The following ZBTB2 variants were observed in gnomAD, a reference collection of about 807,000 sequenced individuals.
The protein encoded by ZBTB2 is zinc finger and BTB domain-containing protein 2.
Under a neutral mutation model 39.5 loss-of-function variants are expected in ZBTB2, and 2 were observed. The ratio of observed to expected loss-of-function variants is 0.05; its 90% CI spans 0.02 to 0.16. The LOEUF (loss-of-function observed/expected upper bound fraction) is 0.16. Ranked by LOEUF, ZBTB2 falls within the 10% of genes least tolerant of loss-of-function variation. The pLI is 1.00. For missense variants in ZBTB2, 391 were observed against 653.0 expected (o/e 0.60, Z 4.37); for synonymous variants, 251 against 256.6 (o/e 0.98, Z 0.21).
In ZBTB2 at chr6:151,364,845, A is replaced by G. The variant is rs1778609063; in HGVS notation, c.*676T>C. The G allele has an allele frequency of 1.3e-5, 2 of 152,692 alleles. No individual in the cohort carries two copies. The highest frequency in any genetic ancestry group is 2.9e-5 in the Non-Finnish European group (2 of 68,058). The allele number at this position is 152,692 out of a possible 1,614,324, so 9.5% of individuals were successfully genotyped here. A position where few individuals can be genotyped will look rare whatever the true frequency, so the allele number is the denominator to read the frequency against. On this transcript the variant is annotated 3_prime_UTR_variant, in exon 3 of 3. Transcript: ENST00000325144. Reference sequence around the variant, plus strand: ...GCATTAATTCACCTGTTTATTAGCAAGTACCCACACATTTTTCTCTTACAA... The same window carrying G: ...GCATTAATTCACCTGTTTATTAGCAGGTACCCACACATTTTTCTCTTACAA...
intron 1 of ZBTB2, among the ~76,000 whole-genome samples, chr6:151,390,340 G>C (rs1779258731): frequency 8.5e-6 from 1 of 117,924 alleles, no homozygotes; most frequent in African/African-American, 4.1e-5. Context: ...GGTCTCGCCG[G>C]CCCCGCCCCC....
chr6:151,389,010 A>ATCG (rs1779224727), intron 1 of ZBTB2, among the ~76,000 whole-genome samples: 1 of 152,210 alleles, frequency 6.6e-6, no homozygotes, highest in East Asian at 1.9e-4. Flanking sequence ...TCTTGTACTT[A>ATCG]CGATGGCTTC....
chr6:151,372,552 A>T (rs959957735), intron 2 of ZBTB2, among the ~76,000 whole-genome samples: 1 of 152,138 alleles, frequency 6.6e-6, no homozygotes, highest in Non-Finnish European at 1.5e-5. Context: ...GAGGAGTGGG[A>T]ACTCCCAGCA....
intron 1 of ZBTB2, among the ~76,000 whole-genome samples, chr6:151,378,497 C>T (rs758843287): frequency 2.0e-5 from 3 of 152,200 alleles, no homozygotes; most frequent in Non-Finnish European, 4.4e-5. Context: ...CAGAGAACTG[C>T]TGGGTTGCAA....
At chr6:151,370,078 G>A in intron 2 of ZBTB2, 1 of 974,088 alleles carries the variant, frequency 1.0e-6, no homozygotes, top group Non-Finnish European at 1.2e-6. Context: ...CCTGTGGAAA[G>A]GACATAGTTC....
At position 151,366,393 on chromosome 6, in the gene ZBTB2, A is replaced by T; in HGVS notation, c.673T>A (p.Ser225Thr). Residue 225 changes from serine to threonine, a missense_variant, in exon 3 of 3, where the codon TCT becomes ACT. By Grantham distance (58) the Ser-to-Thr change is moderately conservative (BLOSUM62 1). This residue lies in a region of ZBTB2 where 175 missense variants were observed against 198.6 expected (regional missense o/e 0.88). Coordinates refer to ENST00000325144, the MANE Select transcript of ZBTB2 (RefSeq NM_020861.3). The surrounding 1 kb of genome is among the most constrained non-coding windows in gnomAD (Gnocchi z 7.1). Reference sequence around the variant, plus strand: ...GACGCAGGCTGCTCATCGGAGGAAGATGCTTCCAGATTGGTCTCCTCCCCG... The same window carrying T: ...GACGCAGGCTGCTCATCGGAGGAAGTTGCTTCCAGATTGGTCTCCTCCCCG... ...PPGEETNLEASSSDEQPASLT... is the reference protein window; with the variant it reads ...PPGEETNLEATSSDEQPASLT... The T allele has an allele frequency of 1.2e-6, 2 of 1,614,094 alleles. No homozygotes were observed. Among genetic ancestry groups the T allele is most frequent in the South Asian group, 1.1e-5 (1 of 91,072 alleles).
At chr6:151,390,909 G>C (rs1470827219) in intron 1 of ZBTB2, among the ~76,000 whole-genome samples, 3 of 151,920 alleles carry the variant, frequency 2.0e-5, no homozygotes, top group Non-Finnish European at 4.4e-5. Flanking sequence ...GGGCTCCAGC[G>C]CGGGACGCTC....
intron 1 of ZBTB2, among the ~76,000 whole-genome samples, chr6:151,379,210 A>G (rs1203699258): frequency 2.0e-5 from 3 of 152,234 alleles, no homozygotes; most frequent in Admixed American, 2.0e-4. Flanking sequence ...TTCTTTGCCA[A>G]TATGGCTTTT....
At chr6:151,379,253 C>T (rs1778981143) in intron 1 of ZBTB2, among the ~76,000 whole-genome samples, 1 of 152,050 alleles carries the variant, frequency 6.6e-6, no homozygotes, top group South Asian at 2.1e-4. Context: ...TGAAGTAAAG[C>T]TTATTTTTAC....
intron 1 of ZBTB2, among the ~76,000 whole-genome samples, chr6:151,387,837 A>G (rs760910604): frequency 6.6e-6 from 1 of 152,160 alleles, no homozygotes; most frequent in Non-Finnish European, 1.5e-5. Context: ...GGCTTCTAAA[A>G]TGGATCTACA....
chr6:151,369,968 A>G (rs1778750484), intron 2 of ZBTB2: 2 of 290,856 alleles, frequency 6.9e-6, no homozygotes, highest in Non-Finnish European at 1.0e-5. Context: ...CTTAATGTAC[A>G]TTTCAGCCAT....
Position 151,366,754 on chromosome 6 carries a change from G to A in ZBTB2, c.312C>T (p.Ala104=). 1.2e-6 allele frequency: 2 copies of A among 1,614,152 alleles called. No homozygotes were observed. The highest frequency in any genetic ancestry group is 2.2e-5 in the South Asian group (2 of 91,078). ...GGCTGGCTTCCTGAATGAGCGGGTA[G>A]GCGTGCAGAAACTTGATGCCCTGTT... ...RLEQGIKFLH[A]YPLIQEASLA... is the part of the protein sequence containing the mutation. Residue 104 remains alanine (A), a synonymous_variant, in exon 3 of 3, where the codon GCC becomes GCT. Coordinates refer to ENST00000325144, the MANE Select transcript of ZBTB2 (RefSeq NM_020861.3). This position sits in a 1 kb window ranked among gnomAD's most constrained non-coding sequence, Gnocchi z 7.1.
rs955728890 is a variant in ZBTB2, at chr6:151,385,111, C to A, written c.-13+6309G>T. Among the ~76,000 whole-genome samples, 9 of 152,206 alleles carry A rather than the reference C, an allele frequency of 5.9e-5. 1 individual carries two copies. The South Asian group carries it at 1.9e-3, about 32-fold the overall frequency. Reference sequence around the variant, plus strand: ...AATTAGAATAGTGAGCTGAGAGGAACTGAAGAAAAGTAGCACAGGAGAGAG... The same window carrying A: ...AATTAGAATAGTGAGCTGAGAGGAAATGAAGAAAAGTAGCACAGGAGAGAG... On this transcript the variant is annotated intron_variant, in intron 1 of 2. Transcript: ENST00000325144.
chr6:151,391,016 T>TCCCTCCCA (rs1167632940), intron 1 of ZBTB2, among the ~76,000 whole-genome samples: 113 of 36,742 alleles, frequency 3.1e-3, no homozygotes, highest in African/African-American at 0.011. Context: ...CTCCCCTTCC[T>TCCCTCCCA]CCCTCCCACC....
Position 151,365,316 on chromosome 6 carries a change from T to G in ZBTB2, c.*205A>C. The G allele has an allele frequency of 1.8e-6, 1 of 570,548 alleles. No homozygotes were observed. The highest frequency in any genetic ancestry group is 1.9e-5 in the African/African-American group (1 of 53,592). 35.3% of individuals were successfully genotyped at this position (570,548 alleles called of 1,614,324 possible). On this transcript the variant is annotated 3_prime_UTR_variant, in exon 3 of 3. Coordinates refer to ENST00000325144, the MANE Select transcript of ZBTB2 (RefSeq NM_020861.3). The surrounding 1 kb of genome is among the most constrained non-coding windows in gnomAD (Gnocchi z 5.6). Reference sequence around the variant, plus strand: ...TATAATGACCATTATCTTTCCAATATCCCCTGAAAGAAAGTCGATACATTC... The same window carrying G: ...TATAATGACCATTATCTTTCCAATAGCCCCTGAAAGAAAGTCGATACATTC...
intron 1 of ZBTB2, among the ~76,000 whole-genome samples, chr6:151,391,062 G>A (rs1779294551): frequency 9.6e-6 from 1 of 104,354 alleles, no homozygotes; most frequent in Admixed American, 1.1e-4. Flanking sequence ...CTCGGCTTCC[G>A]TCCCCTCCCC....
At position 151,369,729 on chromosome 6, in the gene ZBTB2, T is replaced by C. The variant is rs1191775993; in HGVS notation, c.174-2837A>G. ...GGCTAATGCCTATAATCCCAGCACT[T>C]TGGGAGGCCGAGGTGGGTGGATCAC... On this transcript the variant is annotated intron_variant, in intron 2 of 2. Transcript: ENST00000325144. Among the ~76,000 whole-genome samples the C allele has an allele frequency of 3.3e-5, 5 of 152,202 alleles. No individual in the cohort carries two copies. The South Asian group carries it at 6.2e-4, about 19-fold the overall frequency.
intron 1 of ZBTB2, among the ~76,000 whole-genome samples, chr6:151,376,292 T>C (rs11963587): frequency 0.013 from 2,049 of 152,316 alleles, 35 homozygotes; most frequent in African/African-American, 0.047. Flanking sequence ...AAAGAGTTTT[T>C]ACACTTGACA....
intron 1 of ZBTB2, among the ~76,000 whole-genome samples, chr6:151,390,428 C>T (rs1447865981): frequency 6.7e-6 from 1 of 150,258 alleles, no homozygotes; most frequent in Non-Finnish European, 1.5e-5. Context: ...TCGCCGCTTC[C>T]CTCAGTCCCG....
Sources: allele counts gnomAD v4.1 joint callset (sites outside exome capture counted in the v4.1 genomes callset), GRCh38; gene constraint gnomAD v4.1.1; regional missense constraint gnomAD v4.1.1; non-coding constraint Gnocchi (gnomAD v3.1); transcripts MANE v1.5; gene names NCBI Gene and HGNC (gene_info 2026-07-23, HGNC 2026-07-21).